LRRTM4: variants seen among roughly 807,000 people sequenced by gnomAD.
LRRTM4 encodes the protein leucine-rich repeat transmembrane neuronal protein 4.
Under a neutral mutation model 47.6 loss-of-function variants are expected in LRRTM4, and 25 were observed. The ratio of observed to expected loss-of-function variants is 0.53; its 90% CI spans 0.38 to 0.73. The LOEUF is 0.73. LRRTM4 is among the 30% of genes least tolerant of loss of function. The pLI, the probability that LRRTM4 is intolerant of heterozygous loss-of-function variation, is 0.00. For missense variants in LRRTM4, 638 were observed against 713.4 expected (o/e 0.89, Z 1.20); for synonymous variants, 311 against 269.5 (o/e 1.15, Z -1.51).
intron 3 of LRRTM4, among the ~76,000 whole-genome samples, chr2:77,143,595 G>A (rs1003167241): frequency 1.3e-5 from 2 of 152,172 alleles, no homozygotes; most frequent in African/African-American, 4.8e-5. Context: ...AACAAAAATA[G>A]AGAGACAAAC....
chr2:76,799,965 A>T (rs2103764449), intron 3 of LRRTM4, among the ~76,000 whole-genome samples: 1 of 151,736 alleles, frequency 6.6e-6, no homozygotes, highest in African/African-American at 2.4e-5. Flanking sequence ...ATACAAACAA[A>T]TGGAAGAACA....
intron 3 of LRRTM4, among the ~76,000 whole-genome samples, chr2:76,934,360 G>T (rs1674870841): frequency 6.6e-6 from 1 of 152,126 alleles, no homozygotes; most frequent in African/African-American, 2.4e-5. Context: ...AAGGTAGTCT[G>T]AATACCAGCA....
At chr2:77,447,972 T>TA (rs1676118113) in intron 3 of LRRTM4, among the ~76,000 whole-genome samples, 1 of 152,134 alleles carries the variant, frequency 6.6e-6, no homozygotes, top group Admixed American at 6.6e-5. Context: ...CCTTTTTATA[T>TA]AAAAAGCAGA....
At chr2:76,772,898 A>G (rs1018740430) in intron 3 of LRRTM4, 1 of 152,202 alleles carries the variant, frequency 6.6e-6, no homozygotes, top group Non-Finnish European at 1.5e-5. Flanking sequence ...CATACTATAT[A>G]TAGAGTTTGG....
At chr2:76,763,267 T>C (rs754173757) in intron 3 of LRRTM4, among the ~76,000 whole-genome samples, 1 of 152,224 alleles carries the variant, frequency 6.6e-6, no homozygotes, top group African/African-American at 2.4e-5. Flanking sequence ...TCTCCAAAAT[T>C]TATTTTTTAA....
chr2:77,128,428 G>A (rs1671710966), intron 3 of LRRTM4, among the ~76,000 whole-genome samples: 1 of 100,918 alleles, frequency 9.9e-6, no homozygotes, highest in Non-Finnish European at 2.1e-5. Context: ...ATAGAGAAAT[G>A]TCCCATCAAA....
chr2:77,261,340 C>A (rs1675913942), intron 3 of LRRTM4, among the ~76,000 whole-genome samples: 1 of 152,068 alleles, frequency 6.6e-6, no homozygotes, highest in Admixed American at 6.6e-5. Flanking sequence ...AGTCAATGGG[C>A]TGTGAAGAAA....
At chr2:76,871,752 G>A (rs938136129) in intron 3 of LRRTM4, among the ~76,000 whole-genome samples, 1 of 152,064 alleles carries the variant, frequency 6.6e-6, no homozygotes, top group East Asian at 1.9e-4. Context: ...TGTGACTTTT[G>A]TTTTTTCTGA....
intron 3 of LRRTM4, among the ~76,000 whole-genome samples, chr2:76,873,500 A>ATG (rs374256776): frequency 0.19 from 19,122 of 103,062 alleles, 1,713 homozygotes; most frequent in Admixed American, 0.28. Flanking sequence ...GTGTATATAT[A>ATG]TGTGTGTATA....
chr2:77,283,086 A>G (rs988580909), intron 3 of LRRTM4, among the ~76,000 whole-genome samples: 2 of 152,038 alleles, frequency 1.3e-5, no homozygotes, highest in African/African-American at 4.8e-5. Context: ...CCATCCAACA[A>G]AAGACTAATA....
At chr2:76,992,330 A>T (rs896638348) in intron 3 of LRRTM4, among the ~76,000 whole-genome samples, 2 of 151,638 alleles carry the variant, frequency 1.3e-5, no homozygotes, top group African/African-American at 4.8e-5. Flanking sequence ...CAAATAGAAA[A>T]AGCAATCAAA....
intron 3 of LRRTM4, among the ~76,000 whole-genome samples, chr2:77,119,772 T>A (rs1671478758): frequency 2.0e-5 from 3 of 151,852 alleles, no homozygotes; most frequent in Non-Finnish European, 4.4e-5. Flanking sequence ...TACATATATA[T>A]CACTACATAT....
At chr2:77,309,730 GA>G (rs1558681580) in intron 3 of LRRTM4, among the ~76,000 whole-genome samples, 4 of 130,786 alleles carry the variant, frequency 3.1e-5, no homozygotes, top group Non-Finnish European at 6.7e-5. Flanking sequence ...TAGATAGATA[GA>G]TATAACAAAA....
At chr2:76,845,867 G>C (rs946316357) in intron 3 of LRRTM4, among the ~76,000 whole-genome samples, 12 of 152,032 alleles carry the variant, frequency 7.9e-5, no homozygotes, top group African/African-American at 2.7e-4. Context: ...CAGAAGCTAG[G>C]GGTGGTGGGA....
chr2:77,329,596 A>T (rs1670897124), intron 3 of LRRTM4, among the ~76,000 whole-genome samples: 1 of 152,142 alleles, frequency 6.6e-6, no homozygotes, highest in South Asian at 2.1e-4. Context: ...TTGCACAGAG[A>T]CTTTAAGAAA....
At chr2:77,440,207 A>G (rs1197061789) in intron 3 of LRRTM4, among the ~76,000 whole-genome samples, 21 of 152,142 alleles carry the variant, frequency 1.4e-4, no homozygotes, top group Non-Finnish European at 2.8e-4. Flanking sequence ...GAGGTCACGA[A>G]ATCGAGACCA....
chr2:76,781,753 C>T (rs1674407933), intron 3 of LRRTM4, among the ~76,000 whole-genome samples: 1 of 152,180 alleles, frequency 6.6e-6, no homozygotes, highest in South Asian at 2.1e-4. Context: ...CGGAGCTGTT[C>T]CTATTCTCAT....
intron 3 of LRRTM4, among the ~76,000 whole-genome samples, chr2:76,843,696 G>A (rs1671753776): frequency 6.6e-6 from 1 of 152,118 alleles, no homozygotes; most frequent in Non-Finnish European, 1.5e-5. Context: ...AAATAATTTG[G>A]AGGAAGGGAG....
chr2:76,839,800 A>T (rs192483871), intron 3 of LRRTM4, among the ~76,000 whole-genome samples: 8 of 151,986 alleles, frequency 5.3e-5, no homozygotes, highest in South Asian at 2.1e-4. Context: ...ATACAATTTT[A>T]TTTTTTTTAA....
Sources: allele counts gnomAD v4.1 joint callset (sites outside exome capture counted in the v4.1 genomes callset), GRCh38; gene constraint gnomAD v4.1.1; transcripts MANE v1.5; gene names NCBI Gene and HGNC (gene_info 2026-07-23, HGNC 2026-07-21).